The following XYLT2 variants were observed in gnomAD, a reference collection of about 807,000 sequenced individuals.
XYLT2 encodes the protein UDP-D-xylose:proteoglycan core protein beta-D-xylosyltransferase.
A neutral mutation model predicts 82.6 loss-of-function variants in XYLT2; 37 were observed. The observed-to-expected ratio is 0.45, with a 90% CI of 0.34 to 0.59. The LOEUF (loss-of-function observed/expected upper bound fraction) is 0.59, where lower values mean the gene tolerates loss of function less well. Ranked by LOEUF, XYLT2 falls within the 20% of genes least tolerant of loss-of-function variation. XYLT2 has a pLI of 0.01. For synonymous variants in XYLT2, 474 were observed against 499.0 expected, an observed-to-expected ratio of 0.95 and a Z score of 0.67; for missense variants, 934 against 1,181.3, an observed-to-expected ratio of 0.79 and a Z score of 3.07.
intron 1 of XYLT2, among the ~76,000 whole-genome samples, chr17:50,351,291 C>G (rs145768908): frequency 2.0e-5 from 3 of 152,238 alleles, no homozygotes; most frequent in African/African-American, 7.2e-5. Flanking sequence ...GAAGGTGGCC[C>G]CGATGGGATT....
chr17:50,358,275 C>T lies in XYLT2; in HGVS notation c.2010C>T (p.Asp670=), dbSNP rs781014261. 105 of 1,612,270 alleles carry T rather than the reference C, an allele frequency of 6.5e-5. No individual in the cohort carries two copies. The East Asian group carries it at 1.5e-3, about 23-fold the overall frequency. ...RNFGGLLGPL[D]EPVAVQRWAR... ...TTGGGGGGTTACTGGGGCCGCTGGACGAGCCTGTGGCCGTGCAGCGCTGGG... is the reference window on the plus strand; with the variant it reads ...TTGGGGGGTTACTGGGGCCGCTGGATGAGCCTGTGGCCGTGCAGCGCTGGG... Residue 670 remains aspartate (D), a synonymous_variant, in exon 10 of 11, where the codon GAC becomes GAT. Transcript: ENST00000017003.
chr17:50,347,832 G>A (rs1255953228), intron 1 of XYLT2, among the ~76,000 whole-genome samples: 1 of 152,212 alleles, frequency 6.6e-6, no homozygotes, highest in Non-Finnish European at 1.5e-5. Flanking sequence ...GCATGGGAAG[G>A]TGAGTGCTGA....
At position 50,355,992 on chromosome 17, in the gene XYLT2, G is replaced by A. The variant is rs761759730; in HGVS notation, c.1300G>A (p.Ala434Thr). 1 of 1,614,250 alleles carries A rather than the reference G, an allele frequency of 6.2e-7. No individual in the cohort carries two copies. Among genetic ancestry groups the A allele is most frequent in the South Asian group, 1.1e-5 (1 of 91,090 alleles). The change falls in exon 6 of 11, where the codon GCC becomes ACC. Residue 434 changes from alanine (A) to threonine (T), a missense_variant. Physicochemically the swap from Ala to Thr is moderately conservative, Grantham distance 58. Coordinates refer to ENST00000017003, the MANE Select transcript of XYLT2 (RefSeq NM_022167.4). ...RQFYTYTLLP[A>T]ESFFHTVLEN... ...GTTCTACACATACACACTGCTCCCA[G>A]CCGAGGTGGGTAGCCCAGCAGGCAT...
intron 1 of XYLT2, among the ~76,000 whole-genome samples, chr17:50,349,869 G>C (rs1295076665): frequency 2.0e-5 from 3 of 152,100 alleles, no homozygotes; most frequent in Non-Finnish European, 4.4e-5. Flanking sequence ...CCTCCCATCT[G>C]AGTAATCATA....
rs776494282 is a variant in XYLT2, at chr17:50,357,189, GC to G, written c.1882del (p.Gln628LysfsTer4). ...PAETLEMWLM[P>X]QGSLKLLGRS... ...CAGAGACGCTTGAGATGTGGCTGAT[GC>G]CCCAAGGGTCGCTGAAGCTGTTGGG... On this transcript the variant is annotated frameshift_variant, in exon 9 of 11. Transcript: ENST00000017003. LOFTEE classifies it high-confidence loss of function. The G allele has an allele frequency of 6.2e-7, 1 of 1,611,866 alleles. No homozygotes were observed. The highest frequency in any genetic ancestry group is 8.5e-7 in the Non-Finnish European group (1 of 1,179,782).
chr17:50,356,388 G>A, intron 7 of XYLT2, 123 bp from the exon 8 acceptor site: 1 of 1,546,480 alleles, frequency 6.5e-7, no homozygotes. Flanking sequence ...CAGGGGTCTG[G>A]GGCTACAACA....
rs1479750015 is a variant in XYLT2, at chr17:50,346,375, C to A, written c.135+100C>A. 4.1e-6 allele frequency: 4 copies of A among 981,770 alleles called. No individual in the cohort carries two copies. The African/African-American group carries it at 7.0e-5, about 17-fold the overall frequency. The allele number at this position is 981,770 out of a possible 1,614,324, so 60.8% of individuals were successfully genotyped here. On this transcript the variant is annotated intron_variant, in intron 1 of 10. Transcript: ENST00000017003. The surrounding 1 kb of genome is among the most constrained non-coding windows in gnomAD (Gnocchi z 5.1). ...CCAGCCGGGGAAGTGGGGCACGGGC[C>A]GCGTGCGTGCGTGCGGGGCGCCGGC...
intron 1 of XYLT2, among the ~76,000 whole-genome samples, chr17:50,349,527 G>T (rs1197372587): frequency 6.6e-6 from 1 of 152,004 alleles, no homozygotes; most frequent in Admixed American, 6.5e-5. Flanking sequence ...GGTGGGAGAA[G>T]CGCTTGAGTC....
intron 9 of XYLT2, 143 bp downstream of exon 9, chr17:50,357,395 G>C (rs1912592485): frequency 3.8e-6 from 3 of 792,970 alleles, no homozygotes; most frequent in Admixed American, 6.1e-5. Flanking sequence ...CAGACATCCT[G>C]TGTCACCCCC....
At position 50,355,817 on chromosome 17, in the gene XYLT2, T is replaced by C. The variant is rs1567806985; in HGVS notation, c.1125T>C (p.His375=). The C allele has an allele frequency of 6.2e-7, 1 of 1,614,236 alleles. No homozygotes were observed. Among genetic ancestry groups the C allele is most frequent in the Non-Finnish European group, 8.5e-7 (1 of 1,180,030 alleles). The change falls in exon 6 of 11, where the codon CAT becomes CAC. Residue 375 remains histidine (H), a synonymous_variant. Coordinates refer to ENST00000017003, the MANE Select transcript of XYLT2 (RefSeq NM_022167.4). ...IKKQGLDRLF[H]ECDSHMWRLG... Reference sequence around the variant, plus strand: ...AACAGGGCCTGGACCGGCTCTTCCATGAGTGCGACTCACACATGTGGCGCC... The same window carrying C: ...AACAGGGCCTGGACCGGCTCTTCCACGAGTGCGACTCACACATGTGGCGCC...
rs1288546466 is a variant in XYLT2 at position 50,356,069 on chromosome 17, C to T, written c.1306-16C>T. On this transcript the variant is annotated splice_polypyrimidine_tract_variant and intron_variant, in intron 6 of 10. Coordinates refer to ENST00000017003, the MANE Select transcript of XYLT2 (RefSeq NM_022167.4). ...CTGCCTGCAGCTCACCTTCCACTCT[C>T]CCTTGCTGCTTGCAGTCCTTCTTCC... 8 of 1,614,052 alleles carry T rather than the reference C, an allele frequency of 5.0e-6. No individual in the cohort carries two copies. Among genetic ancestry groups the T allele is most frequent in the Non-Finnish European group, 6.8e-6 (8 of 1,179,978 alleles).
At chr17:50,347,708 A>C (rs1940982262) in intron 1 of XYLT2, among the ~76,000 whole-genome samples, 1 of 152,250 alleles carries the variant, frequency 6.6e-6, no homozygotes, top group African/African-American at 2.4e-5. Context: ...GAATAGGGGA[A>C]TCCTGGGCTG....
At chr17:50,357,742 A>ATT (rs1020875355) in intron 9 of XYLT2, 4 of 156,290 alleles carry the variant, frequency 2.6e-5, no homozygotes, top group Admixed American at 1.3e-4. Flanking sequence ...CGCCCAGCTA[A>ATT]TTTTTTTTTT....
intron 1 of XYLT2, among the ~76,000 whole-genome samples, chr17:50,351,263 G>A (rs1355616491): frequency 2.6e-5 from 4 of 152,266 alleles, no homozygotes; most frequent in East Asian, 1.9e-4. Flanking sequence ...AGAAGGGATG[G>A]CATTCCACAT....
At position 50,360,985 on chromosome 17, in the gene XYLT2, A is replaced by C; in HGVS notation, c.*694A>C. The C allele has an allele frequency of 1.0e-6, 1 of 985,902 alleles. No individual in the cohort carries two copies. Among genetic ancestry groups the C allele is most frequent in the Non-Finnish European group, 1.2e-6 (1 of 829,952 alleles). The allele number at this position is 985,902 out of a possible 1,614,324, so 61.1% of individuals were successfully genotyped here. ...GATGGGAAAGGCAGGGTCAGGGCCC[A>C]CTGAGACCCATGCAGAGTTTCCAGG... On this transcript the variant is annotated 3_prime_UTR_variant, in exon 11 of 11. Coordinates refer to ENST00000017003, the MANE Select transcript of XYLT2 (RefSeq NM_022167.4).
Position 50,356,192 on chromosome 17 carries a change from C to A in XYLT2, c.1413C>A (p.Tyr471Ter). 1 of 1,614,244 alleles carries A rather than the reference C, an allele frequency of 6.2e-7. No individual in the cohort carries two copies. The highest frequency in any genetic ancestry group is 8.5e-7 in the Non-Finnish European group (1 of 1,180,036). The part of the protein sequence containing the change: ...WNRKLGCKCQ[Y>*]KHIVDWCGCS... ...GCAAGCTGGGCTGCAAGTGCCAGTA[C>A]AAGCACATTGTGGACTGGTGTGGCT... Residue 471 changes from tyrosine (Y) to a stop codon, truncating the protein, a stop_gained, in exon 7 of 11, where the codon TAC becomes TAA. Transcript: ENST00000017003. LOFTEE classifies it high-confidence loss of function.
intron 10 of XYLT2, chr17:50,359,752 T>A (rs1912719011): frequency 1.7e-6 from 1 of 577,518 alleles, no homozygotes; most frequent in Non-Finnish European, 3.1e-6. Flanking sequence ...CTTTACTGCA[T>A]CCTAAAGTTG....
At chr17:50,359,862 G>A in intron 10 of XYLT2, 107 bp from the exon 11 acceptor site, 4 of 993,212 alleles carry the variant, frequency 4.0e-6, no homozygotes, top group African/African-American at 3.3e-5. Flanking sequence ...CTGTGACTCA[G>A]AAGTAGGGCT....
At position 50,356,766 on chromosome 17, in the gene XYLT2, C is replaced by T. The variant is rs779329565; in HGVS notation, c.1738C>T (p.Leu580Phe). 2 of 1,602,242 alleles carry T rather than the reference C, an allele frequency of 1.2e-6. No homozygotes were observed. The highest frequency in any genetic ancestry group is 8.5e-7 in the Non-Finnish European group (1 of 1,179,356). ...TGCTGCACCCCCAATGGGCACCCCACTCTGCAGGTGAGACCCCCTTCTGAC... is the reference window on the plus strand; with the variant it reads ...TGCTGCACCCCCAATGGGCACCCCATTCTGCAGGTGAGACCCCCTTCTGAC... ...ATAAPPMGTP[L>F]CRFEPRGLPS... Residue 580 changes from leucine to phenylalanine, a missense_variant, in exon 8 of 11, where the codon CTC becomes TTC. Physicochemically the swap from Leu to Phe is conservative, Grantham distance 22. Transcript: ENST00000017003.
Sources: allele counts gnomAD v4.1 joint callset (sites outside exome capture counted in the v4.1 genomes callset), GRCh38; gene constraint gnomAD v4.1.1; non-coding constraint Gnocchi (gnomAD v3.1); transcripts MANE v1.5; gene names NCBI Gene and HGNC (gene_info 2026-07-23, HGNC 2026-07-21).